The following PDE10A variants were observed in gnomAD, a reference collection of about 807,000 sequenced individuals.
PDE10A encodes phosphodiesterase 10A.
PDE10A carries 39 observed loss-of-function variants against 97.7 expected under a neutral mutation model. That is an observed-to-expected ratio of 0.40 (90% CI 0.31 to 0.52). The LOEUF (loss-of-function observed/expected upper bound fraction) is 0.52, where lower values mean the gene tolerates loss of function less well. Ranked by LOEUF, PDE10A falls within the 20% of genes least tolerant of loss-of-function variation. PDE10A has a pLI of 0.56. For missense variants in PDE10A, 731 were observed against 1,047.8 expected (o/e 0.70, Z 4.17); for synonymous variants, 371 against 376.8 (o/e 0.98, Z 0.18).
At chr6:165,668,705 AAG>A (rs1024889535) in intron 1 of PDE10A, among the ~76,000 whole-genome samples, 3 of 151,868 alleles carry the variant, frequency 2.0e-5, no homozygotes, top group African/African-American at 7.2e-5. Flanking sequence ...GGAAGGAAGA[AAG>A]AAAAGAAAGA....
At chr6:165,848,760 G>T (rs544927177) in intron 1 of PDE10A, among the ~76,000 whole-genome samples, 8 of 152,152 alleles carry the variant, frequency 5.3e-5, no homozygotes, top group Non-Finnish European at 8.8e-5. Flanking sequence ...AACAGTGGCC[G>T]GGGGAATCAA....
intron 10 of PDE10A, among the ~76,000 whole-genome samples, chr6:165,422,918 G>C (rs1192752011): frequency 6.6e-6 from 1 of 151,980 alleles, no homozygotes; most frequent in Non-Finnish European, 1.5e-5. Context: ...AACTATGTAA[G>C]GGTAGTAGGT....
chr6:165,482,090 G>A (rs905280100), intron 3 of PDE10A, among the ~76,000 whole-genome samples: 5 of 152,158 alleles, frequency 3.3e-5, no homozygotes, highest in Non-Finnish European at 4.4e-5. Context: ...CCATAGGCAC[G>A]TGCAGCCGAA....
intron 1 of PDE10A, among the ~76,000 whole-genome samples, chr6:165,559,143 A>G (rs1345183375): frequency 1.3e-5 from 2 of 152,234 alleles, no homozygotes; most frequent in Non-Finnish European, 2.9e-5. Flanking sequence ...CAGTTATGCT[A>G]GAACATGATT....
At chr6:165,776,860 T>G (rs1317691455) in intron 1 of PDE10A, among the ~76,000 whole-genome samples, 1 of 152,204 alleles carries the variant, frequency 6.6e-6, no homozygotes, top group Non-Finnish European at 1.5e-5. Flanking sequence ...CTGAAACCGT[T>G]GCCTGAGTGA....
At chr6:165,615,368 T>C (rs1787683292) in intron 1 of PDE10A, among the ~76,000 whole-genome samples, 1 of 152,206 alleles carries the variant, frequency 6.6e-6, no homozygotes, top group South Asian at 2.1e-4. Context: ...GTCGGTTTTC[T>C]AGAAACACAT....
chr6:165,352,647 GAA>G (rs761081382), intron 18 of PDE10A, among the ~76,000 whole-genome samples: 1 of 142,702 alleles, frequency 7.0e-6, no homozygotes. Flanking sequence ...ACATCTGCAT[GAA>G]AAAAAAAAAC....
At chr6:165,804,314 C>T (rs186172354) in intron 1 of PDE10A, among the ~76,000 whole-genome samples, 1 of 152,268 alleles carries the variant, frequency 6.6e-6, no homozygotes, top group East Asian at 1.9e-4. Context: ...TCCAAATCCA[C>T]GTTAAAATGT....
At chr6:165,522,192 A>C (rs1253507120) in intron 2 of PDE10A, among the ~76,000 whole-genome samples, 1 of 152,164 alleles carries the variant, frequency 6.6e-6, no homozygotes, top group African/African-American at 2.4e-5. Flanking sequence ...GTGTATGTGA[A>C]TACAAAGCCA....
At chr6:165,634,914 T>C (rs1297214122) in intron 1 of PDE10A, among the ~76,000 whole-genome samples, 2 of 152,192 alleles carry the variant, frequency 1.3e-5, no homozygotes, top group African/African-American at 4.8e-5. Context: ...CATGGCATGG[T>C]CCAGGTGGCT....
At chr6:165,943,993 T>G (rs1425388634) in intron 1 of PDE10A, among the ~76,000 whole-genome samples, 2 of 152,216 alleles carry the variant, frequency 1.3e-5, no homozygotes, top group African/African-American at 4.8e-5. Flanking sequence ...CTGGGTAATT[T>G]ATAAAGGAAA....
At chr6:165,708,126 G>C (rs1239384855) in intron 1 of PDE10A, among the ~76,000 whole-genome samples, 1 of 152,152 alleles carries the variant, frequency 6.6e-6, no homozygotes, top group Non-Finnish European at 1.5e-5. Context: ...CTCCACTCCT[G>C]CCCTCGCATT....
At chr6:165,660,519 G>A (rs1790191503) in intron 1 of PDE10A, 1 of 152,398 alleles carries the variant, frequency 6.6e-6, no homozygotes, top group Admixed American at 6.5e-5. Context: ...CCGTGCCCGG[G>A]AAGCGGGGTT....
intron 13 of PDE10A, among the ~76,000 whole-genome samples, chr6:165,412,463 A>G (rs1457477949): frequency 6.6e-6 from 1 of 152,218 alleles, no homozygotes; most frequent in Non-Finnish European, 1.5e-5. Flanking sequence ...TGTCAACATT[A>G]TTTATGAGAG....
chr6:165,493,678 G>C (rs905479876), intron 2 of PDE10A, among the ~76,000 whole-genome samples: 1 of 152,132 alleles, frequency 6.6e-6, no homozygotes, highest in Non-Finnish European at 1.5e-5. Context: ...ATCAACTCAA[G>C]ATGGATCAAA....
intron 13 of PDE10A, among the ~76,000 whole-genome samples, chr6:165,411,946 T>C (rs1437662027): frequency 2.0e-5 from 3 of 152,168 alleles, no homozygotes; most frequent in Non-Finnish European, 4.4e-5. Flanking sequence ...AAATCTAGTT[T>C]CATTTAACAG....
At chr6:165,958,758 A>AAAGAAAGAAAGAAAGAAAGG (rs1562327887) in intron 1 of PDE10A, among the ~76,000 whole-genome samples, 1 of 140,164 alleles carries the variant, frequency 7.1e-6, no homozygotes, top group East Asian at 2.3e-4. Context: ...AGAAAGAAAG[A>AAAGAAAGAAAGAAAGAAAGG]AAGAAAGAAG....
At chr6:165,526,860 T>C (rs956848506) in intron 2 of PDE10A, among the ~76,000 whole-genome samples, 2 of 152,212 alleles carry the variant, frequency 1.3e-5, no homozygotes, top group African/African-American at 4.8e-5. Context: ...ACCTTTACTG[T>C]GTTACCTCAG....
chr6:165,880,904 C>T (rs528831316), intron 1 of PDE10A, among the ~76,000 whole-genome samples: 3 of 152,326 alleles, frequency 2.0e-5, no homozygotes, highest in South Asian at 2.1e-4. Context: ...ATGTGCATTT[C>T]GAGGGAAATT....
Sources: gnomAD v4.1 joint callset for allele counts (sites outside exome capture counted in the v4.1 genomes callset) on GRCh38, gnomAD v4.1.1 for gene constraint, MANE v1.5 for transcripts, NCBI Gene and HGNC (gene_info 2026-07-23, HGNC 2026-07-21) for gene names.